KIF19: variants seen among roughly 807,000 people sequenced by gnomAD.
The protein encoded by KIF19 is kinesin-like protein KIF19.
A neutral mutation model predicts 106.6 loss-of-function variants in KIF19; 98 were observed. The observed-to-expected ratio is 0.92, with a 90% CI of 0.78 to 1.09. KIF19 has a LOEUF of 1.09. KIF19 is among the 50% of genes least tolerant of loss of function. The pLI, the probability that KIF19 is intolerant of heterozygous loss-of-function variation, is 0.00. For missense variants in KIF19, 1,373 were observed against 1,414.3 expected (o/e 0.97, Z 0.47); for synonymous variants, 516 against 584.2 (o/e 0.88, Z 1.68).
chr17:74,349,903 A>T lies in KIF19; in HGVS notation c.1214-498A>T, dbSNP rs60039659. Among the ~76,000 whole-genome samples, 1,358 of 151,612 alleles carry T rather than the reference A, an allele frequency of 9.0e-3. 18 individuals carry two copies. The highest frequency in any genetic ancestry group is 0.031 in the African/African-American group (1,298 of 41,234). ...AACCTCTGCCTCCCGGGTTCAAGCG[A>T]TTCTTCTGCCTCAGCCTCCCAAGTA... On this transcript the variant is annotated intron_variant, in intron 10 of 19. Coordinates refer to ENST00000389916, the MANE Select transcript of KIF19 (RefSeq NM_153209.4).
chr17:74,341,926 G>A lies in KIF19; in HGVS notation c.171G>A (p.Ala57=), dbSNP rs765441199. ...AGGATCCCGACGACATCCTGCGGGC[G>A]CATCGCTCCCGGGAGAAGTCCTACC... The part of the protein sequence containing the change: ...PMEDPDDILR[A]HRSREKSYLF... Residue 57 remains alanine (A), a synonymous_variant, in exon 3 of 20, where the codon GCG becomes GCA. Coordinates refer to ENST00000389916, the MANE Select transcript of KIF19 (RefSeq NM_153209.4). 2.7e-5 allele frequency: 44 copies of A among 1,613,318 alleles called. No individual in the cohort carries two copies. The highest frequency in any genetic ancestry group is 7.7e-5 in the South Asian group (7 of 91,060).
At position 74,353,279 on chromosome 17, in the gene KIF19, T is replaced by C; in HGVS notation, c.2198T>C (p.Leu733Pro). Residue 733 changes from leucine (L) to proline (P), a missense_variant, in exon 16 of 20, where the codon CTC becomes CCC. By Grantham distance (98) the Leu-to-Pro change is moderately conservative. Coordinates refer to ENST00000389916, the MANE Select transcript of KIF19 (RefSeq NM_153209.4). ...SSVPTPPPIQ[L>P]GSLVTQEAPA... ...GTGCCCACCCCACCTCCCATCCAGC[T>C]CGGCAGCCTGGTGACGCAGGAGGTG... 1 of 1,575,980 alleles carries C rather than the reference T, an allele frequency of 6.3e-7. No individual in the cohort carries two copies.
At chr17:74,330,626 G>C (rs1426550706) in intron 2 of KIF19, among the ~76,000 whole-genome samples, 1 of 152,226 alleles carries the variant, frequency 6.6e-6, no homozygotes, top group East Asian at 1.9e-4. Flanking sequence ...AACTGGTGCT[G>C]ATGGGAACGC....
chr17:74,352,166 C>T, intron 13 of KIF19, 29 bp downstream of exon 13: 17 of 1,587,018 alleles, frequency 1.1e-5, no homozygotes, highest in Non-Finnish European at 1.5e-5. Context: ...CGCATCTGAG[C>T]CACCCGCGGG....
rs1466495429 is a variant in KIF19, at chr17:74,346,618, C to G, written c.924+94C>G. The G allele has an allele frequency of 1.7e-6, 2 of 1,185,628 alleles. No individual in the cohort carries two copies. Among genetic ancestry groups the G allele is most frequent in the Non-Finnish European group, 2.4e-6 (2 of 842,012 alleles). 73.4% of individuals were successfully genotyped at this position (1,185,628 alleles called of 1,614,324 possible). A position where few individuals can be genotyped will look rare whatever the true frequency, so the allele number is the denominator to read the frequency against. ...TACAGGGCACCCAGCTAAATTCCAA[C>G]CTCAGGATACACAGCAAAATTTATT... On this transcript the variant is annotated intron_variant, in intron 8 of 19. Coordinates refer to ENST00000389916, the MANE Select transcript of KIF19 (RefSeq NM_153209.4). This position sits in a 1 kb window ranked among gnomAD's most constrained non-coding sequence, Gnocchi z 4.6.
At chr17:74,352,655 A>G (rs928275588) in intron 14 of KIF19, among the ~76,000 whole-genome samples, 166 bp from the exon 15 acceptor site, 3 of 152,142 alleles carry the variant, frequency 2.0e-5, no homozygotes, top group African/African-American at 7.2e-5. Flanking sequence ...GGGGAAGCCT[A>G]GCAGACCACA....
At position 74,341,914 on chromosome 17, in the gene KIF19, C is replaced by T. The variant is rs767530445; in HGVS notation, c.159C>T (p.Asp53=). The T allele has an allele frequency of 6.2e-7, 1 of 1,613,740 alleles. No homozygotes were observed. The highest frequency in any genetic ancestry group is 8.5e-7 in the Non-Finnish European group (1 of 1,179,852). The change falls in exon 3 of 20, where the codon GAC becomes GAT. Residue 53 remains aspartate (D), a synonymous_variant. Transcript: ENST00000389916. The stretch of plus-strand genomic sequence containing the variant: ...TGGACCCAATGGAGGATCCCGACGA[C>T]ATCCTGCGGGCGCATCGCTCCCGGG... The part of the protein sequence containing the change: ...VLMDPMEDPD[D]ILRAHRSREK...
Position 74,352,911 on chromosome 17 carries a change from C to T in KIF19, c.2071C>T (p.Gln691Ter). 1.2e-6 allele frequency: 2 copies of T among 1,613,954 alleles called. No individual in the cohort carries two copies. The highest frequency in any genetic ancestry group is 1.1e-5 in the South Asian group (1 of 91,076). The stretch of plus-strand genomic sequence containing the variant: ...TGTGAAGACATTGAGCTCTGATGCC[C>T]AGCACCTGCAGAACAGCGCCCTCCC... ...ESVKTLSSDA[Q>*]HLQNSALPPL... The change falls in exon 15 of 20, where the codon CAG becomes TAG. Residue 691 changes from glutamine to a stop codon, truncating the protein, a stop_gained. Transcript: ENST00000389916. LOFTEE classifies it high-confidence loss of function.
chr17:74,342,552 G>C, intron 3 of KIF19, 78 bp from the exon 4 acceptor site: 1 of 1,100,308 alleles, frequency 9.1e-7, no homozygotes, highest in Non-Finnish European at 1.4e-6. Context: ...TCTCCTATCA[G>C]AGGTCAGGAA....
At chr17:74,351,229 T>G (rs1052809039) in intron 12 of KIF19, 2 of 332,864 alleles carry the variant, frequency 6.0e-6, no homozygotes, top group Non-Finnish European at 1.1e-5. Context: ...ACACCTGTAA[T>G]CTCAGCACGT....
rs1345007549 is a variant in KIF19, at chr17:74,355,259, C to T, written c.2944C>T (p.Leu982=). The T allele has an allele frequency of 6.2e-7, 1 of 1,612,666 alleles. No homozygotes were observed. Among genetic ancestry groups the T allele is most frequent in the African/African-American group, 1.3e-5 (1 of 74,938 alleles). ...GSRRATRGPR[L]PHGTSTHGKD... ...TCGACGGGCTACCCGTGGGCCCCGC[C>T]TGCCCCACGGCACAAGCACCCATGG... Residue 982 remains leucine, a synonymous_variant, in exon 20 of 20, where the codon CTG becomes TTG. Coordinates refer to ENST00000389916, the MANE Select transcript of KIF19 (RefSeq NM_153209.4).
intron 12 of KIF19, 71 bp downstream of exon 12, chr17:74,350,976 G>A (rs1370541964): frequency 1.0e-5 from 15 of 1,501,656 alleles, no homozygotes; most frequent in East Asian, 4.5e-5. Context: ...GAGGCAAGGC[G>A]GAGGGGCCAG....
At chr17:74,350,610 C>T in intron 11 of KIF19, 35 bp downstream of exon 11, 1 of 1,609,694 alleles carries the variant, frequency 6.2e-7, no homozygotes, top group Non-Finnish European at 8.5e-7. Context: ...CAGGCCCCAC[C>T]CCTGTGCCTG....
intron 3 of KIF19, among the ~76,000 whole-genome samples, chr17:74,342,419 G>A (rs537361488): frequency 5.3e-5 from 8 of 152,228 alleles, no homozygotes; most frequent in East Asian, 1.9e-4. Context: ...GCAGGAAGGC[G>A]TCTCAGGTGT....
chr17:74,339,972 C>T (rs1312898263), intron 2 of KIF19, among the ~76,000 whole-genome samples: 3 of 152,202 alleles, frequency 2.0e-5, no homozygotes, highest in Non-Finnish European at 4.4e-5. Flanking sequence ...TGGCCACTCT[C>T]AGTCTCCACC....
chr17:74,327,890 G>T (rs372524092), intron 1 of KIF19, among the ~76,000 whole-genome samples: 7 of 152,310 alleles, frequency 4.6e-5, no homozygotes, highest in Non-Finnish European at 8.8e-5. Context: ...GGAGATCCAC[G>T]CACAGGATGA....
rs377138026 is a variant in KIF19, at chr17:74,347,340, A to C, written c.925-437A>C. On this transcript the variant is annotated intron_variant, in intron 8 of 19. Coordinates refer to ENST00000389916, the MANE Select transcript of KIF19 (RefSeq NM_153209.4). ...TCACTTAAGGTCAGGAGTTCAAGAC[A>C]AGCCTGGCCACCATGGTGAAACCCC... Among the ~76,000 whole-genome samples the C allele has an allele frequency of 8.9e-4, 136 of 152,166 alleles. 1 individual carries two copies. The highest frequency in any genetic ancestry group is 3.2e-3 in the African/African-American group (131 of 41,536).
In KIF19 at chr17:74,355,541, C is replaced by T. The variant is rs569938717; in HGVS notation, c.*229C>T. 1.2e-5 allele frequency: 6 copies of T among 508,584 alleles called. No homozygotes were observed. The highest frequency in any genetic ancestry group is 3.2e-5 in the East Asian group (1 of 31,104). 31.5% of individuals were successfully genotyped at this position (508,584 alleles called of 1,614,324 possible). A position where few individuals can be genotyped will look rare whatever the true frequency, so the allele number is the denominator to read the frequency against. On this transcript the variant is annotated 3_prime_UTR_variant, in exon 20 of 20. Coordinates refer to ENST00000389916, the MANE Select transcript of KIF19 (RefSeq NM_153209.4). ...AGGGGACATGGCCAGGACGGCTGGGCTCCCTGGCTTCCCAGCCCTGGACAG... is the reference window on the plus strand; with the variant it reads ...AGGGGACATGGCCAGGACGGCTGGGTTCCCTGGCTTCCCAGCCCTGGACAG...
chr17:74,334,644 A>G (rs1043086606), intron 2 of KIF19, among the ~76,000 whole-genome samples: 17 of 152,284 alleles, frequency 1.1e-4, no homozygotes, highest in Admixed American at 1.0e-3. Flanking sequence ...GGCCCCAGGG[A>G]CACCCTTCCT....
Sources: allele counts gnomAD v4.1 joint callset (sites outside exome capture counted in the v4.1 genomes callset), GRCh38; gene constraint gnomAD v4.1.1; non-coding constraint Gnocchi (gnomAD v3.1); transcripts MANE v1.5; gene names NCBI Gene and HGNC (gene_info 2026-07-23, HGNC 2026-07-21).